CPLX2: variants seen among roughly 807,000 people sequenced by gnomAD.
CPLX2 encodes complexin 2, also known as complexin-2.
Under a neutral mutation model 16.3 loss-of-function variants are expected in CPLX2, and 5 were observed. The observed-to-expected ratio is 0.31, with a 90% CI of 0.16 to 0.64. The LOEUF (loss-of-function observed/expected upper bound fraction) is 0.64. CPLX2 is among the 30% of genes least tolerant of loss of function. The probability of loss-of-function intolerance (pLI) is 0.79; values close to 1 mark genes in which losing one functional copy is unlikely to be tolerated. For missense variants in CPLX2, 144 were observed against 181.4 expected, an observed-to-expected ratio of 0.79 and a Z score of 1.18; for synonymous variants, 89 against 73.2, an observed-to-expected ratio of 1.22 and a Z score of -1.10.
intron 2 of CPLX2, among the ~76,000 whole-genome samples, chr5:175,852,761 G>A (rs1167007863): frequency 6.6e-6 from 1 of 152,234 alleles, no homozygotes; most frequent in Non-Finnish European, 1.5e-5. Flanking sequence ...GGACCAGCTA[G>A]GTGGGATGGG....
chr5:175,813,252 G>A (rs1457691863), intron 2 of CPLX2, among the ~76,000 whole-genome samples: 1 of 152,174 alleles, frequency 6.6e-6, no homozygotes, highest in Non-Finnish European at 1.5e-5. Context: ...CATTTCCTCT[G>A]AAAATAAAAT....
upstream of CPLX2, among the ~76,000 whole-genome samples, chr5:175,867,954 G>A (rs1561788901): frequency 6.6e-6 from 1 of 152,224 alleles, no homozygotes; most frequent in Non-Finnish European, 1.5e-5. Flanking sequence ...GAGCAAGGTG[G>A]CCTAGAGCCC....
At chr5:175,803,414 G>A (rs1403085767) in intron 1 of CPLX2, among the ~76,000 whole-genome samples, 3 of 152,220 alleles carry the variant, frequency 2.0e-5, no homozygotes, top group African/African-American at 7.2e-5. Context: ...TAAAAGAGAG[G>A]AGTGTGCCGA....
At chr5:175,813,038 G>A (rs900628716) in intron 2 of CPLX2, among the ~76,000 whole-genome samples, 3 of 152,108 alleles carry the variant, frequency 2.0e-5, no homozygotes, top group East Asian at 1.9e-4. Flanking sequence ...TCTCAGCCAC[G>A]AGCCACCCTC....
rs1755562080 is a variant in CPLX2, at chr5:175,880,570, G to A, written c.*525G>A. The A allele has an allele frequency of 5.7e-6, 1 of 174,236 alleles. No individual in the cohort carries two copies. The highest frequency in any genetic ancestry group is 5.7e-5 in the Admixed American group (1 of 17,602). 10.8% of individuals were successfully genotyped at this position (174,236 alleles called of 1,614,324 possible). On this transcript the variant is annotated 3_prime_UTR_variant, in exon 4 of 4. Transcript: ENST00000393745. ...CTGGCTCTGGCCAGGCTGGGATCTG[G>A]GTGGGAGGCTGGGGCTCTTCTTCTT...
chr5:175,867,932 C>A (rs1421058673), upstream of CPLX2, among the ~76,000 whole-genome samples: 1 of 152,218 alleles, frequency 6.6e-6, no homozygotes, highest in Non-Finnish European at 1.5e-5. Flanking sequence ...AGAGGGAAGG[C>A]ACTCATCAGA....
intron 2 of CPLX2, among the ~76,000 whole-genome samples, chr5:175,850,109 G>T (rs2113677720): frequency 6.6e-6 from 1 of 152,204 alleles, no homozygotes; most frequent in South Asian, 2.1e-4. Context: ...ACCTGCTGTT[G>T]ATGCTGATCA....
intron 1 of CPLX2, among the ~76,000 whole-genome samples, chr5:175,806,150 A>G (rs563882677): frequency 2.0e-5 from 3 of 150,686 alleles, no homozygotes; most frequent in East Asian, 3.9e-4. Flanking sequence ...GTGAAGCCCA[A>G]GCTCCTCTAA....
At chr5:175,870,412 T>C (rs2113701587), upstream of CPLX2, among the ~76,000 whole-genome samples, 1 of 152,252 alleles carries the variant, frequency 6.6e-6, no homozygotes, top group East Asian at 1.9e-4. Context: ...TTGTTGCCCC[T>C]TCCTTGGAAG....
chr5:175,858,422 G>A (rs1052428735), intron 2 of CPLX2, among the ~76,000 whole-genome samples: 2 of 152,228 alleles, frequency 1.3e-5, no homozygotes, highest in East Asian at 1.9e-4. Context: ...GTGAATCCAC[G>A]AAGACCCTGG....
rs532208612 is a variant in CPLX2 at position 175,839,043 on chromosome 5, T to C, written c.-89+29975T>C. Among the ~76,000 whole-genome samples the C allele has an allele frequency of 1.4e-4, 21 of 152,238 alleles. No homozygotes were observed. In the South Asian group the frequency reaches 2.1e-3, roughly 15 times the overall value. Reference sequence around the variant, plus strand: ...CCTGGCAACAAACCCAGTGTAATGCTTGGGGCACTCCATAAGCATTTTTTA... The same window carrying C: ...CCTGGCAACAAACCCAGTGTAATGCCTGGGGCACTCCATAAGCATTTTTTA... On this transcript the variant is annotated intron_variant, in intron 2 of 4. Transcript: ENST00000359546.
At chr5:175,855,307 G>T (rs871853) in intron 2 of CPLX2, among the ~76,000 whole-genome samples, 105,160 of 152,142 alleles carry the variant, frequency 0.69, 36,891 homozygotes, top group East Asian at 0.95. Context: ...GCCAATATAA[G>T]ACACCTCTTT....
intron 2 of CPLX2, among the ~76,000 whole-genome samples, chr5:175,834,463 G>A (rs1335305638): frequency 2.0e-5 from 3 of 152,192 alleles, no homozygotes; most frequent in Non-Finnish European, 1.5e-5. Context: ...GTCTGGGAAA[G>A]AGACAGACAT....
At chr5:175,797,621 G>A (rs891219476) in intron 1 of CPLX2, among the ~76,000 whole-genome samples, 14 of 152,158 alleles carry the variant, frequency 9.2e-5, no homozygotes, top group Non-Finnish European at 1.5e-4. Context: ...GAAAGTGTGA[G>A]GCTGAGTTTC....
rs191121684 is a variant in CPLX2, at chr5:175,856,509, C to T, written c.-88-22143C>T. Among the ~76,000 whole-genome samples the T allele has an allele frequency of 3.3e-5, 5 of 152,280 alleles. No individual in the cohort carries two copies. The East Asian group carries it at 5.8e-4, about 18-fold the overall frequency. On this transcript the variant is annotated intron_variant, in intron 2 of 4. Transcript: ENST00000359546. ...CGCCACGCTCCGCGCAGAGCCAAGC[C>T]GAGGAATCTGACAACCCAGCAGCCC... is the stretch of plus-strand genomic sequence containing the variant.
Position 175,826,581 on chromosome 5 carries a change from C to T in CPLX2, c.-89+17513C>T, listed in dbSNP as rs78413589. Among the ~76,000 whole-genome samples the T allele has an allele frequency of 5.1e-4, 78 of 152,214 alleles. No individual in the cohort carries two copies. In the East Asian group the frequency reaches 0.014, roughly 28 times the overall value. ...AACTGGGCTGGAGAGATGTTTGTGG[C>T]GGGTGAATGGGTTGGATTTGGTGGC... On this transcript the variant is annotated intron_variant, in intron 2 of 4. Coordinates refer to the CPLX2 transcript ENST00000359546.
intron 2 of CPLX2, among the ~76,000 whole-genome samples, chr5:175,866,408 A>G (rs746895319): frequency 4.6e-5 from 7 of 152,246 alleles, no homozygotes; most frequent in Non-Finnish European, 7.3e-5. Context: ...TACTACCAAA[A>G]TATTCTTCCT....
chr5:175,799,540 A>ATATATATATC (rs71702847), intron 1 of CPLX2, among the ~76,000 whole-genome samples: 11 of 28,234 alleles, frequency 3.9e-4, no homozygotes, highest in African/African-American at 1.4e-3. Flanking sequence ...TGCAAATTTC[A>ATATATATATC]TATATATATA....
intron 2 of CPLX2, among the ~76,000 whole-genome samples, chr5:175,847,239 T>G (rs1414789423): frequency 1.3e-5 from 2 of 152,154 alleles, no homozygotes; most frequent in Non-Finnish European, 2.9e-5. Flanking sequence ...CAGACCAGGT[T>G]GAGTTGGAGG....
Sources: allele counts gnomAD v4.1 joint callset (sites outside exome capture counted in the v4.1 genomes callset), GRCh38; gene constraint gnomAD v4.1.1; transcripts MANE v1.5; gene names NCBI Gene and HGNC (gene_info 2026-07-23, HGNC 2026-07-21).